Variants in DDX11 observed in about 807,000 individuals in gnomAD.
DDX11 encodes ATP-dependent DNA helicase DDX11.
In DDX11, 72 loss-of-function variants were observed where a neutral mutation model predicts 125.2. The observed-to-expected ratio is 0.58, with a 90% CI of 0.48 to 0.70. DDX11 has a LOEUF of 0.70. Among genes scored for constraint, DDX11 ranks in the 30% least tolerant of loss-of-function variants. The probability of loss-of-function intolerance (pLI) is 0.00; values close to 1 mark genes in which losing one functional copy is unlikely to be tolerated. For missense variants in DDX11, 883 were observed against 1,165.0 expected (o/e 0.76, Z 3.52); for synonymous variants, 347 against 452.6 (o/e 0.77, Z 2.96).
chr12:31,088,496 G>C (rs1943573914), intron 6 of DDX11, among the ~76,000 whole-genome samples: 1 of 152,170 alleles, frequency 6.6e-6, no homozygotes, highest in Non-Finnish European at 1.5e-5. Context: ...TTGCATGGAG[G>C]GCTATGGGTT....
At chr12:31,102,823 T>C in intron 23 of DDX11, 113 bp from the exon 24 acceptor site, 1 of 898,764 alleles carries the variant, frequency 1.1e-6, no homozygotes, top group Non-Finnish European at 1.8e-6. Context: ...GGCTGAGTTT[T>C]GATCACAGTC....
chr12:31,093,236 T>G lies in DDX11; in HGVS notation c.1290-9T>G, dbSNP rs771807317. 2.5e-6 allele frequency: 4 copies of G among 1,611,616 alleles called. No homozygotes were observed. Among genetic ancestry groups the G allele is most frequent in the African/African-American group, 1.3e-5 (1 of 74,850 alleles). ...CACCACCACTTAATGTCCGTTGGCT[T>G]CTTCTCAGGAAGCGTTTGAAGGCCA... On this transcript the variant is annotated splice_polypyrimidine_tract_variant and intron_variant, in intron 11 of 26. Coordinates refer to ENST00000542838, the MANE Select transcript of DDX11 (RefSeq NM_030653.4).
chr12:31,103,631 G>A lies in DDX11; in HGVS notation c.2591G>A (p.Arg864Gln), dbSNP rs746932451. Residue 864 changes from arginine to glutamine, a missense_variant, in exon 26 of 27, where the codon CGA becomes CAA. Around this residue, in one of 5 missense-constraint regions of DDX11, gnomAD observed 285 missense variants for 346.0 expected, o/e 0.82. Coordinates refer to ENST00000542838, the MANE Select transcript of DDX11 (RefSeq NM_030653.4). ...GCCAGCGTAGTGCTCCTGGACCAGC[G>A]ATATGCCCGGCCCCCTGTCCTGGCC... is the stretch of plus-strand genomic sequence containing the variant. ...DFASVVLLDQ[R>Q]YARPPVLAKL... The A allele has an allele frequency of 2.5e-6, 4 of 1,614,110 alleles. No homozygotes were observed. Among genetic ancestry groups the A allele is most frequent in the Admixed American group, 1.7e-5 (1 of 60,014 alleles).
rs1941140446 is a variant in DDX11 at position 31,078,410 on chromosome 12, A to G, written c.17A>G (p.Gln6Arg). 6.2e-7 allele frequency: 1 copy of G among 1,610,246 alleles called. No homozygotes were observed. The highest frequency in any genetic ancestry group is 1.3e-5 in the African/African-American group (1 of 74,784). The part of the protein sequence containing the change: MANET[Q>R]KVGAIHFPFP... ...CCTAGGTCCATGGCTAATGAAACAC[A>G]GAAGGTTGGTGCCATCCATTTTCCT... The change falls in exon 2 of 27, where the codon CAG becomes CGG. Residue 6 changes from glutamine (Q) to arginine (R), a missense_variant. This residue lies in a region of DDX11 where 283 missense variants were observed against 359.6 expected (regional missense o/e 0.79). Coordinates refer to ENST00000542838, the MANE Select transcript of DDX11 (RefSeq NM_030653.4).
intron 18 of DDX11, among the ~76,000 whole-genome samples, chr12:31,099,084 C>CTTTTTTTTTTTTTTTTTTTTTTTTTTTTT (rs763612105): frequency 1.6e-4 from 10 of 63,718 alleles, no homozygotes; most frequent in African/African-American, 2.4e-4. Flanking sequence ...TTCTTTCTTT[C>CTTTTTTTTTTTTTTTTTTTTTTTTTTTTT]TTTTTTTTTT....
At position 31,089,461 on chromosome 12, in the gene DDX11, G is replaced by A. The variant is rs58605733; in HGVS notation, c.851G>A (p.Arg284His). 9.0e-4 allele frequency: 1,454 copies of A among 1,613,836 alleles called. 15 individuals are homozygous for A. The African/African-American group carries it at 0.017, about 19-fold the overall frequency. Residue 284 changes from arginine to histidine, a missense_variant, in exon 8 of 27, where the codon CGC becomes CAC. Arg to His is a conservative substitution (Grantham distance 29). Around this residue, in one of 5 missense-constraint regions of DDX11, gnomAD observed 283 missense variants for 359.6 expected, o/e 0.79. Transcript: ENST00000542838. The part of the protein sequence containing the change: ...SLGSVQLIND[R>H]CVDMQRSRHE... ...GGTTCTGTGCAGCTTATCAACGACCGCTGTGTGGACATGCAGAGAAGCAGG... is the reference window on the plus strand; with the variant it reads ...GGTTCTGTGCAGCTTATCAACGACCACTGTGTGGACATGCAGAGAAGCAGG...
intron 10 of DDX11, among the ~76,000 whole-genome samples, chr12:31,092,419 G>A (rs539835990): frequency 2.0e-5 from 3 of 152,294 alleles, no homozygotes; most frequent in Admixed American, 1.3e-4. Flanking sequence ...GAGCTGGGGT[G>A]TGCCCACTGG....
intron 18 of DDX11, among the ~76,000 whole-genome samples, chr12:31,099,076 C>CTT (rs1945864738): frequency 1.5e-4 from 9 of 60,564 alleles, no homozygotes; most frequent in African/African-American, 2.4e-4. Flanking sequence ...GTATTTCTTT[C>CTT]TTTCTTTCTT....
rs181971994 is a variant in DDX11 at position 31,077,069 on chromosome 12, C to T, written c.-4-1321C>T. 2.6e-5 allele frequency: 4 copies of T among 152,246 alleles called. No homozygotes were observed. The East Asian group carries it at 7.7e-4, about 29-fold the overall frequency. The allele number at this position is 152,246 out of a possible 1,614,324, so 9.4% of individuals were successfully genotyped here. Reference sequence around the variant, plus strand: ...GACACTATCACTAGTCTTATTGAGGCCAAAGTTATAAAGATGGGCTCTCGA... The same window carrying T: ...GACACTATCACTAGTCTTATTGAGGTCAAAGTTATAAAGATGGGCTCTCGA... On this transcript the variant is annotated intron_variant, in intron 1 of 26. Coordinates refer to ENST00000542838, the MANE Select transcript of DDX11 (RefSeq NM_030653.4).
At chr12:31,080,529 C>T (rs1027313492) in intron 2 of DDX11, among the ~76,000 whole-genome samples, 2 of 152,088 alleles carry the variant, frequency 1.3e-5, no homozygotes, top group African/African-American at 2.4e-5. Context: ...TGCTGTGTTC[C>T]TACCACTTCC....
chr12:31,084,691 G>A (rs1156382704), intron 4 of DDX11, 22 bp downstream of exon 4: 1 of 1,565,570 alleles, frequency 6.4e-7, no homozygotes, highest in Non-Finnish European at 8.7e-7. Context: ...TTCTTGGGGG[G>A]CAGGATTATG....
At chr12:31,099,080 CTTTCTTTTTTT>C (rs1435986627) in intron 18 of DDX11, among the ~76,000 whole-genome samples, 6 of 81,326 alleles carry the variant, frequency 7.4e-5, no homozygotes, top group South Asian at 4.3e-4. Flanking sequence ...TTCTTTCTTT[CTTTCTTTTTTT>C]TTTTTTTTTT....
At chr12:31,074,116 A>G (rs1940345456) in intron 1 of DDX11, 25 bp downstream of exon 1, 2 of 152,182 alleles carry the variant, frequency 1.3e-5, no homozygotes, top group African/African-American at 2.4e-5. Flanking sequence ...CGGAGCGGGA[A>G]AACATTCCGG....
intron 1 of DDX11, among the ~76,000 whole-genome samples, chr12:31,074,816 T>G (rs1400395949): frequency 1.3e-5 from 2 of 152,174 alleles, no homozygotes; most frequent in African/African-American, 4.8e-5. Flanking sequence ...ATACGGTAGA[T>G]AGTACCTGCC....
At chr12:31,078,317 AATGCTCCAG>A (rs1203629078) in intron 1 of DDX11, 64 bp from the exon 2 acceptor site, 2 of 1,610,284 alleles carry the variant, frequency 1.2e-6, no homozygotes. Flanking sequence ...GCTCTTAAAT[AATGCTCCAG>A]ATTTCAAGCC....
intron 1 of DDX11, chr12:31,078,043 C>G (rs1363014528): frequency 2.3e-6 from 1 of 443,420 alleles, no homozygotes; most frequent in East Asian, 6.6e-5. Flanking sequence ...AAGCAACACC[C>G]TTGATCTTAG....
intron 12 of DDX11, 175 bp downstream of exon 12, chr12:31,093,499 G>C (rs1282201766): frequency 1.2e-6 from 1 of 814,332 alleles, no homozygotes; most frequent in African/African-American, 1.7e-5. Flanking sequence ...TGGTTCACCT[G>C]AGGTTAGGAG....
chr12:31,079,573 CTTATGGCTGCTCCG>C (rs1331596906), intron 2 of DDX11, among the ~76,000 whole-genome samples: 23 of 148,722 alleles, frequency 1.5e-4, no homozygotes, highest in African/African-American at 5.8e-4. Context: ...GGGCTGCTCC[CTTATGGCTGCTCCG>C]TTATGACCTC....
chr12:31,101,432 G>T, intron 20 of DDX11: 1 of 521,962 alleles, frequency 1.9e-6, no homozygotes, highest in South Asian at 2.1e-5. Context: ...TTGCCCTTTG[G>T]TTATATCTGC....
Sources: gnomAD v4.1 joint callset for allele counts (sites outside exome capture counted in the v4.1 genomes callset) on GRCh38, gnomAD v4.1.1 for gene constraint, gnomAD v4.1.1 regional missense constraint, MANE v1.5 for transcripts, NCBI Gene and HGNC (gene_info 2026-07-23, HGNC 2026-07-21) for gene names.